RAB37: variants seen among roughly 807,000 people sequenced by gnomAD.
RAB37 encodes ras-related protein Rab-37.
Under a neutral mutation model 33.1 loss-of-function variants are expected in RAB37, and 29 were observed. The observed-to-expected ratio is 0.88, with a 90% CI of 0.65 to 1.20. The LOEUF (loss-of-function observed/expected upper bound fraction) is 1.20. Ranked by LOEUF, RAB37 falls within the 50% of genes most tolerant of loss-of-function variation. The pLI, the probability that RAB37 is intolerant of heterozygous loss-of-function variation, is 0.00. For missense variants in RAB37, 299 were observed against 301.1 expected, an observed-to-expected ratio of 0.99 and a Z score of 0.05; for synonymous variants, 128 against 119.5, an observed-to-expected ratio of 1.07 and a Z score of -0.47.
rs139470219 is a variant in RAB37, at chr17:74,716,856, G to A, written c.73-12400G>A. On this transcript the variant is annotated intron_variant, in intron 1 of 7. Coordinates refer to the RAB37 transcript ENST00000340415. ...TGTTTTTTAAACAAATTTCCTGGCC[G>A]GGTGCAGTGGCTCACGCCTGTAATC... 7.4e-4 allele frequency among the ~76,000 whole-genome samples: 112 copies of A among 152,344 alleles called. 1 individual carries two copies. In the East Asian group the frequency reaches 0.021, roughly 28 times the overall value.
At chr17:74,724,660 T>C (rs529906519) in intron 1 of RAB37, among the ~76,000 whole-genome samples, 4 of 152,172 alleles carry the variant, frequency 2.6e-5, no homozygotes, top group Non-Finnish European at 4.4e-5. Flanking sequence ...GGCAGTGGAG[T>C]TAGGAGCAAT....
At chr17:74,695,695 G>T (rs2032385132) in intron 1 of RAB37, 6 of 1,613,672 alleles carry the variant, frequency 3.7e-6, no homozygotes, top group African/African-American at 1.3e-5. Context: ...CCCTGCCCCA[G>T]CCTCACAGCA....
chr17:74,710,475 A>C (rs756762306), intron 1 of RAB37, among the ~76,000 whole-genome samples: 6 of 152,230 alleles, frequency 3.9e-5, no homozygotes, highest in Non-Finnish European at 1.5e-5. Flanking sequence ...TTGGAAAGTA[A>C]AGTAGAAAAG....
intron 1 of RAB37, among the ~76,000 whole-genome samples, chr17:74,696,032 G>C (rs1052713026): frequency 6.6e-6 from 1 of 152,088 alleles, no homozygotes; most frequent in Non-Finnish European, 1.5e-5. Context: ...TGTCCCCCTG[G>C]CTGTTTCCAG....
chr17:74,695,933 G>A (rs2032423305), intron 1 of RAB37: 14 of 1,523,950 alleles, frequency 9.2e-6, no homozygotes, highest in East Asian at 6.8e-5. Flanking sequence ...ACGGTGGGAC[G>A]GGACGAGAGC....
intron 1 of RAB37, among the ~76,000 whole-genome samples, chr17:74,740,243 A>G (rs182197154): frequency 2.0e-5 from 3 of 152,006 alleles, no homozygotes; most frequent in Non-Finnish European, 2.9e-5. Context: ...TTCATTATAG[A>G]GTATGCAAAT....
rs745617723 is a variant in RAB37 at position 74,737,374 on chromosome 17, G to A, written c.93+9G>A. 12 of 1,555,632 alleles carry A rather than the reference G, an allele frequency of 7.7e-6. No individual in the cohort carries two copies. Among genetic ancestry groups the A allele is most frequent in the Non-Finnish European group, 1.0e-5 (12 of 1,156,648 alleles). ...ACGACCTCACGGGCAAGGTGGGTGG[G>A]CCTCTTCCGTGAGACCCCCGCCCTC... is the stretch of plus-strand genomic sequence containing the variant. On this transcript the variant is annotated intron_variant, in intron 1 of 8. Coordinates refer to ENST00000392613, the MANE Select transcript of RAB37 (RefSeq NM_001006638.3).
upstream of RAB37, among the ~76,000 whole-genome samples, chr17:74,732,870 A>G (rs2034410805): frequency 6.4e-5 from 1 of 15,716 alleles, no homozygotes; most frequent in Non-Finnish European, 1.4e-4. Flanking sequence ...TTCAACACGC[A>G]TGAGGGTCTG....
At position 74,742,433 on chromosome 17, in the gene RAB37, GTTTA is replaced by G; in HGVS notation, c.246+142_246+145del. ...GGGCCCACGGGAGGAAATGGCTTTT[GTTTA>G]TTTGACATCTGCAGAAAAAGCAGTT... On this transcript the variant is annotated intron_variant, in intron 3 of 8. Transcript: ENST00000392613. The surrounding 1 kb of genome is among the most constrained non-coding windows in gnomAD (Gnocchi z 4.0). 1.5e-6 allele frequency: 1 copy of G among 653,262 alleles called. No individual in the cohort carries two copies. The highest frequency in any genetic ancestry group is 2.7e-6 in the Non-Finnish European group (1 of 376,074). The allele number at this position is 653,262 out of a possible 1,614,324, so 40.5% of individuals were successfully genotyped here. A position where few individuals can be genotyped will look rare whatever the true frequency, so the allele number is the denominator to read the frequency against.
In RAB37 at chr17:74,746,956, C is replaced by A. The variant is rs1465357939; in HGVS notation, c.*1545C>A. On this transcript the variant is annotated 3_prime_UTR_variant, in exon 9 of 9. Coordinates refer to ENST00000392613, the MANE Select transcript of RAB37 (RefSeq NM_001006638.3). The surrounding 1 kb of genome is among the most constrained non-coding windows in gnomAD (Gnocchi z 5.2). ...AGGGGTAGCAAGTTCATGTGTCCTC[C>A]TTGGTCACATATCTCCCAAAGCTCC... 4.6e-5 allele frequency: 7 copies of A among 152,196 alleles called. No individual in the cohort carries two copies. Among genetic ancestry groups the A allele is most frequent in the Non-Finnish European group, 7.3e-5 (5 of 68,044 alleles). The allele number at this position is 152,196 out of a possible 1,614,324, so 9.4% of individuals were successfully genotyped here.
chr17:74,721,453 G>C (rs1209887892), intron 1 of RAB37, among the ~76,000 whole-genome samples: 1 of 140,698 alleles, frequency 7.1e-6, no homozygotes, highest in Non-Finnish European at 1.5e-5. Context: ...TTTTTTTTGA[G>C]ATGGAGTCTT....
chr17:74,732,283 CA>C (rs2034394015), upstream of RAB37, among the ~76,000 whole-genome samples: 1 of 152,206 alleles, frequency 6.6e-6, no homozygotes, highest in East Asian at 1.9e-4. Context: ...GGTTCTGACC[CA>C]GGGGGTCCAT....
At chr17:74,706,592 C>T (rs1279928019) in intron 1 of RAB37, among the ~76,000 whole-genome samples, 3 of 151,984 alleles carry the variant, frequency 2.0e-5, no homozygotes, top group South Asian at 2.1e-4. Flanking sequence ...CGCTTGAACC[C>T]GGGAGGCAGA....
chr17:74,694,838 C>G (rs1052764464), intron 1 of RAB37: 5 of 370,518 alleles, frequency 1.3e-5, no homozygotes, highest in African/African-American at 1.0e-4. Context: ...CTTCATCATT[C>G]CCATGAAAGC....
intron 1 of RAB37, among the ~76,000 whole-genome samples, chr17:74,711,811 A>T (rs1318737832): frequency 6.6e-6 from 1 of 151,500 alleles, no homozygotes; most frequent in African/African-American, 2.4e-5. Flanking sequence ...ACTGTAACAT[A>T]TCATCTTGTT....
At chr17:74,735,389 A>T (rs2034460790), upstream of RAB37, among the ~76,000 whole-genome samples, 1 of 152,184 alleles carries the variant, frequency 6.6e-6, no homozygotes, top group African/African-American at 2.4e-5. Flanking sequence ...TACAAAAATT[A>T]GCCAGGCGTG....
At chr17:74,716,732 G>A (rs997195882) in intron 1 of RAB37, among the ~76,000 whole-genome samples, 9 of 152,070 alleles carry the variant, frequency 5.9e-5, no homozygotes, top group Non-Finnish European at 1.3e-4. Flanking sequence ...GAGAGAGAGA[G>A]AGAAAACAGC....
chr17:74,691,480 T>A (rs1009447472), intron 1 of RAB37, among the ~76,000 whole-genome samples: 4 of 152,150 alleles, frequency 2.6e-5, no homozygotes, highest in Non-Finnish European at 4.4e-5. Context: ...TGTAGACACC[T>A]TTTTTCAAAG....
Position 74,745,271 on chromosome 17 carries a change from C to G in RAB37, c.567-35C>G, listed in dbSNP as rs749012081. 1 of 1,600,334 alleles carries G rather than the reference C, an allele frequency of 6.2e-7. No individual in the cohort carries two copies. Among genetic ancestry groups the G allele is most frequent in the South Asian group, 1.1e-5 (1 of 90,800 alleles). On this transcript the variant is annotated intron_variant, in intron 8 of 8. Transcript: ENST00000392613. This position sits in a 1 kb window ranked among gnomAD's most constrained non-coding sequence, Gnocchi z 4.5. ...GGCTCAGCTCCTCACCCCAGCCCAG[C>G]CCAGCCCAGCCCAGCCCATTGTCTC...
Sources: allele counts gnomAD v4.1 joint callset (sites outside exome capture counted in the v4.1 genomes callset), GRCh38; gene constraint gnomAD v4.1.1; non-coding constraint Gnocchi (gnomAD v3.1); transcripts MANE v1.5; gene names NCBI Gene and HGNC (gene_info 2026-07-23, HGNC 2026-07-21).